The following RASA1 variants were observed in gnomAD, a reference collection of about 807,000 sequenced individuals.
RASA1 encodes RAS p21 protein activator 1.
A neutral mutation model predicts 132.2 loss-of-function variants in RASA1; 25 were observed. That is an observed-to-expected ratio of 0.19 (90% CI 0.14 to 0.26). RASA1 has a LOEUF of 0.26. Among genes scored for constraint, RASA1 ranks in the 10% least tolerant of loss-of-function variants. RASA1 has a pLI of 1.00. For missense variants in RASA1, 964 were observed against 1,299.2 expected, an observed-to-expected ratio of 0.74 and a Z score of 3.97; for synonymous variants, 477 against 449.9, an observed-to-expected ratio of 1.06 and a Z score of -0.76.
Position 87,369,846 on chromosome 5 carries a change from T to C in RASA1, c.1644T>C (p.Phe548=), listed in dbSNP as rs749876769. 16 of 1,612,192 alleles carry C rather than the reference T, an allele frequency of 9.9e-6. No individual in the cohort carries two copies. Among genetic ancestry groups the C allele is most frequent in the East Asian group, 4.5e-5 (2 of 44,654 alleles). The change falls in exon 12 of 25, where the codon TTT becomes TTC. Residue 548 remains phenylalanine, a synonymous_variant. Coordinates refer to ENST00000274376, the MANE Select transcript of RASA1 (RefSeq NM_002890.3). Reference sequence around the variant, plus strand: ...GTTTTCAGATAGTAGTTCAGCACTTTAGTGAAGAACATTACATCTTTTACT... The same window carrying C: ...GTTTTCAGATAGTAGTTCAGCACTTCAGTGAAGAACATTACATCTTTTACT... ...PNCFQIVVQH[F]SEEHYIFYFA... is the part of the protein sequence containing the mutation.
intron 4 of RASA1, 51 bp downstream of exon 4, chr5:87,333,388 G>A (rs911785579): frequency 6.9e-6 from 11 of 1,602,930 alleles, no homozygotes; most frequent in Admixed American, 1.7e-5. Context: ...GCTAGACTTC[G>A]AAGATTTATT....
intron 19 of RASA1, among the ~76,000 whole-genome samples, chr5:87,380,130 G>A (rs1264238826): frequency 6.6e-6 from 1 of 152,112 alleles, no homozygotes; most frequent in Non-Finnish European, 1.5e-5. Flanking sequence ...AAGATATCTT[G>A]TCTATCCATT....
chr5:87,359,939 AC>A (rs1759946420), intron 9 of RASA1, among the ~76,000 whole-genome samples: 1 of 152,132 alleles, frequency 6.6e-6, no homozygotes, highest in African/African-American at 2.4e-5. Context: ...TCGTGCACAG[AC>A]CTGGAACACA....
chr5:87,296,194 A>T (rs1178529610), intron 1 of RASA1, among the ~76,000 whole-genome samples: 4 of 151,670 alleles, frequency 2.6e-5, no homozygotes, highest in African/African-American at 9.7e-5. Flanking sequence ...TTCCAAGCAC[A>T]TTGTCAAATA....
intron 4 of RASA1, 68 bp downstream of exon 4, chr5:87,333,405 G>T: frequency 1.3e-6 from 2 of 1,584,504 alleles, no homozygotes; most frequent in Non-Finnish European, 1.7e-6. Context: ...TATTACTCTT[G>T]GACTAGGAAG....
chr5:87,281,725 C>A (rs994028860), intron 1 of RASA1, among the ~76,000 whole-genome samples: 2 of 151,862 alleles, frequency 1.3e-5, no homozygotes, highest in African/African-American at 4.8e-5. Flanking sequence ...GGATTACAGG[C>A]GCATGCCACC....
intron 15 of RASA1, 164 bp from the exon 16 acceptor site, chr5:87,376,225 ACACT>A (rs1244782333): frequency 3.7e-5 from 28 of 750,104 alleles, no homozygotes; most frequent in African/African-American, 3.1e-4. Context: ...TGCACCGTAG[ACACT>A]CAGTAAATAA....
Position 87,389,463 on chromosome 5 carries a change from A to T in RASA1, c.2996A>T (p.His999Leu). Reference sequence around the variant, plus strand: ...CTGTCCCGTGATTTAGCAGCATTGCATGAGATTTGCGTGGCTCATTCAGAT... The same window carrying T: ...CTGTCCCGTGATTTAGCAGCATTGCTTGAGATTTGCGTGGCTCATTCAGAT... ...TDLSRDLAAL[H>L]EICVAHSDEL... is the part of the protein sequence containing the mutation. The change falls in exon 24 of 25, where the codon CAT (histidine) becomes CTT (leucine). Residue 999 changes from histidine (H) to leucine (L), a missense_variant. Coordinates refer to ENST00000274376, the MANE Select transcript of RASA1 (RefSeq NM_002890.3). The T allele has an allele frequency of 6.2e-7, 1 of 1,614,204 alleles. No homozygotes were observed. Among genetic ancestry groups the T allele is most frequent in the Non-Finnish European group, 8.5e-7 (1 of 1,180,006 alleles).
Position 87,374,151 on chromosome 5 carries a change from T to TC in RASA1, c.1777-12_1777-11insC. The TC allele has an allele frequency of 7.1e-7, 1 of 1,414,152 alleles. No individual in the cohort carries two copies. Among genetic ancestry groups the TC allele is most frequent in the East Asian group, 2.7e-5 (1 of 37,200 alleles). 87.6% of individuals were successfully genotyped at this position (1,414,152 alleles called of 1,614,324 possible). A position where few individuals can be genotyped will look rare whatever the true frequency, so the allele number is the denominator to read the frequency against. On this transcript the variant is annotated splice_polypyrimidine_tract_variant and intron_variant, in intron 13 of 24. Coordinates refer to ENST00000274376, the MANE Select transcript of RASA1 (RefSeq NM_002890.3). ...TGGGGTAATATATATATATATATTT[T>TC]TTTTTTTTTAGGTCAGCAGCCTTGT...
chr5:87,384,519 G>A (rs1405679253), intron 21 of RASA1, among the ~76,000 whole-genome samples: 3 of 152,042 alleles, frequency 2.0e-5, no homozygotes, highest in Admixed American at 1.3e-4. Flanking sequence ...TCACATCTCT[G>A]TAATTATCTT....
intron 1 of RASA1, among the ~76,000 whole-genome samples, chr5:87,285,033 CATTT>C (rs34217012): frequency 0.1 from 14,278 of 136,982 alleles, 1,114 homozygotes; most frequent in African/African-American, 0.22. Flanking sequence ...ATAATGGTAC[CATTT>C]ATTTATTTAT....
chr5:87,306,306 T>C (rs551399244), intron 1 of RASA1, among the ~76,000 whole-genome samples: 24 of 152,318 alleles, frequency 1.6e-4, no homozygotes, highest in African/African-American at 5.5e-4. Flanking sequence ...AACAAGATTA[T>C]GTCCTTTGCG....
intron 1 of RASA1, among the ~76,000 whole-genome samples, chr5:87,327,407 A>G (rs1281567058): frequency 1.3e-5 from 2 of 152,196 alleles, no homozygotes; most frequent in African/African-American, 4.8e-5. Flanking sequence ...TGAGGTTGAG[A>G]TAGAAATTAA....
At chr5:87,377,094 C>T in intron 17 of RASA1, 54 bp downstream of exon 17, 4 of 1,542,542 alleles carry the variant, frequency 2.6e-6, no homozygotes, top group Non-Finnish European at 3.6e-6. Context: ...GATTTTATAT[C>T]AAGGATATAT....
chr5:87,360,570 T>C (rs1160727834), intron 9 of RASA1, among the ~76,000 whole-genome samples: 1 of 152,186 alleles, frequency 6.6e-6, no homozygotes, highest in South Asian at 2.1e-4. Context: ...ACAATTTCTA[T>C]ATGTTTACTT....
intron 8 of RASA1, 90 bp from the exon 9 acceptor site, chr5:87,353,067 G>GA (rs1243157093): frequency 9.9e-7 from 1 of 1,010,486 alleles, no homozygotes; most frequent in Non-Finnish European, 1.5e-6. Flanking sequence ...TTGCTAATTA[G>GA]ATAATCCTTG....
rs199894378 is a variant in RASA1, at chr5:87,362,627, C to G, written c.1409C>G (p.Ala470Gly). 1.0e-4 allele frequency: 161 copies of G among 1,599,488 alleles called. No individual in the cohort carries two copies. Among genetic ancestry groups the G allele is most frequent in the Non-Finnish European group, 1.3e-4 (153 of 1,167,218 alleles). ...YNTIRRKTKDAFYKNIVKKGY... is the reference protein window; with the variant it reads ...YNTIRRKTKDGFYKNIVKKGY... Reference sequence around the variant, plus strand: ...ACCATCCGTCGTAAAACAAAGGATGCCTTTTATAAAAACATTGTTAAGAAA... The same window carrying G: ...ACCATCCGTCGTAAAACAAAGGATGGCTTTTATAAAAACATTGTTAAGAAA... The change falls in exon 10 of 25, where the codon GCC becomes GGC. Residue 470 changes from alanine to glycine, a missense_variant. Ala to Gly is a moderately conservative substitution (Grantham distance 60). Transcript: ENST00000274376.
intron 13 of RASA1, 53 bp downstream of exon 13, chr5:87,372,248 T>C: frequency 1.3e-6 from 2 of 1,513,594 alleles, no homozygotes; most frequent in Non-Finnish European, 1.8e-6. Flanking sequence ...TCTAACACTT[T>C]GCTCTTTTTA....
At chr5:87,355,898 G>T (rs1220016235) in intron 9 of RASA1, among the ~76,000 whole-genome samples, 1 of 152,208 alleles carries the variant, frequency 6.6e-6, no homozygotes, top group East Asian at 1.9e-4. Context: ...GGTAGCTGCA[G>T]ATGTGGTACA....
Sources: allele counts gnomAD v4.1 joint callset (sites outside exome capture counted in the v4.1 genomes callset), GRCh38; gene constraint gnomAD v4.1.1; transcripts MANE v1.5; gene names NCBI Gene and HGNC (gene_info 2026-07-23, HGNC 2026-07-21).